The following PLS1 variants were observed in gnomAD, a reference collection of about 807,000 sequenced individuals.
PLS1 encodes plastin 1.
PLS1 carries 32 observed loss-of-function variants against 73.7 expected under a neutral mutation model. The observed-to-expected ratio is 0.43, with a 90% CI of 0.33 to 0.58. The LOEUF is 0.58. PLS1 is among the 20% of genes least tolerant of loss of function. PLS1 has a pLI of 0.04. For synonymous variants in PLS1, 217 were observed against 261.3 expected (o/e 0.83, Z 1.63); for missense variants, 633 against 740.5 (o/e 0.85, Z 1.68).
intron 1 of PLS1, among the ~76,000 whole-genome samples, chr3:142,655,901 T>A (rs904503215): frequency 6.6e-5 from 10 of 152,082 alleles, no homozygotes; most frequent in African/African-American, 2.4e-4. Flanking sequence ...AAAATAAAAT[T>A]GTCTTTTTAA....
chr3:142,678,279 A>G (rs2037766203), intron 6 of PLS1, among the ~76,000 whole-genome samples, 166 bp downstream of exon 6: 1 of 146,692 alleles, frequency 6.8e-6, no homozygotes, highest in African/African-American at 2.5e-5. Context: ...ATTTTATTTT[A>G]TTATTATTAT....
chr3:142,620,929 A>G (rs1396908777), intron 1 of PLS1, among the ~76,000 whole-genome samples: 3 of 152,092 alleles, frequency 2.0e-5, no homozygotes, highest in Admixed American at 6.5e-5. Context: ...GAGGCAGAAG[A>G]ATGCTTGTAC....
At chr3:142,700,479 C>G (rs997761640) in intron 12 of PLS1, among the ~76,000 whole-genome samples, 6 of 152,100 alleles carry the variant, frequency 3.9e-5, no homozygotes, top group South Asian at 2.1e-4. Context: ...CCCGCCACCA[C>G]GCTCGGCTAA....
intron 4 of PLS1, among the ~76,000 whole-genome samples, chr3:142,675,274 A>G (rs552320840): frequency 1.6e-4 from 25 of 152,358 alleles, no homozygotes; most frequent in African/African-American, 4.1e-4. Flanking sequence ...TTCAGAAGCA[A>G]TACATATTTG....
chr3:142,621,541 ATAT>A (rs1441631115), intron 1 of PLS1, among the ~76,000 whole-genome samples: 2 of 152,230 alleles, frequency 1.3e-5, no homozygotes, highest in Admixed American at 6.5e-5. Flanking sequence ...ACTTTAAATA[ATAT>A]TAAGTAAAAC....
intron 2 of PLS1, among the ~76,000 whole-genome samples, chr3:142,666,963 C>A (rs1289221694): frequency 1.3e-5 from 2 of 152,124 alleles, no homozygotes; most frequent in Non-Finnish European, 2.9e-5. Context: ...AAGCCCTTTG[C>A]CTATTTTTGA....
At chr3:142,599,510 T>C (rs1402310770) in intron 1 of PLS1, among the ~76,000 whole-genome samples, 2 of 151,412 alleles carry the variant, frequency 1.3e-5, no homozygotes, top group African/African-American at 2.4e-5. Context: ...TTTGTATTTT[T>C]AGTAGAGACG....
chr3:142,662,082 A>T (rs2037384073), intron 1 of PLS1, among the ~76,000 whole-genome samples: 1 of 152,216 alleles, frequency 6.6e-6, no homozygotes, highest in Non-Finnish European at 1.5e-5. Context: ...CCAAAGGATT[A>T]TAAATCATTC....
At chr3:142,700,514 G>A (rs991071409) in intron 12 of PLS1, among the ~76,000 whole-genome samples, 21 of 152,066 alleles carry the variant, frequency 1.4e-4, no homozygotes, top group African/African-American at 4.8e-4. Context: ...TAGTACAGAC[G>A]GGGTTTCACC....
chr3:142,688,058 C>T (rs1015289528), intron 9 of PLS1, among the ~76,000 whole-genome samples: 8 of 151,928 alleles, frequency 5.3e-5, no homozygotes, highest in Admixed American at 2.6e-4. Context: ...AGTGATTCTC[C>T]TACCTCCACT....
chr3:142,683,941 T>A, intron 6 of PLS1, 65 bp from the exon 7 acceptor site: 1 of 1,205,502 alleles, frequency 8.3e-7, no homozygotes, highest in Non-Finnish European at 1.2e-6. Context: ...TTCTTATAGA[T>A]AATTTTTATA....
intron 12 of PLS1, among the ~76,000 whole-genome samples, chr3:142,703,438 G>A (rs904641383): frequency 4.6e-5 from 7 of 151,996 alleles, no homozygotes; most frequent in Non-Finnish European, 2.9e-5. Flanking sequence ...TGGGATTACA[G>A]GCACCCGCCA....
Position 142,703,926 on chromosome 3 carries a change from T to C in PLS1, c.1430T>C (p.Val477Ala). Residue 477 changes from valine (V) to alanine (A), a missense_variant, in exon 13 of 16, where the codon GTT (valine) becomes GCT (alanine). Transcript: ENST00000457734. Reference sequence around the variant, plus strand: ...AAGAACAAGGCCAAATTCTCCTTGGTTGGCATTGCTGGGCAGGACCTAAAT... The same window carrying C: ...AAGAACAAGGCCAAATTCTCCTTGGCTGGCATTGCTGGGCAGGACCTAAAT... Reference protein sequence around the residue: ...LGKNKAKFSLVGIAGQDLNEG... With the variant: ...LGKNKAKFSLAGIAGQDLNEG... 6.2e-7 allele frequency: 1 copy of C among 1,612,952 alleles called. No individual in the cohort carries two copies.
At chr3:142,697,525 A>G (rs1198765877) in intron 11 of PLS1, among the ~76,000 whole-genome samples, 2 of 152,212 alleles carry the variant, frequency 1.3e-5, no homozygotes, top group African/African-American at 4.8e-5. Flanking sequence ...ATTTGACTCT[A>G]AATTTTTTTA....
At chr3:142,614,133 G>A (rs1180874141) in intron 1 of PLS1, among the ~76,000 whole-genome samples, 3 of 152,126 alleles carry the variant, frequency 2.0e-5, no homozygotes, top group African/African-American at 7.2e-5. Flanking sequence ...AGGCCACTTT[G>A]GGATTTGCTA....
At chr3:142,663,693 T>C (rs1277458850) in intron 1 of PLS1, among the ~76,000 whole-genome samples, 1 of 151,050 alleles carries the variant, frequency 6.6e-6, no homozygotes, top group African/African-American at 2.5e-5. Flanking sequence ...CCTCAGAGAC[T>C]TCACATGGGG....
chr3:142,694,065 G>A (rs745406804), intron 10 of PLS1, among the ~76,000 whole-genome samples: 1 of 151,806 alleles, frequency 6.6e-6, no homozygotes, highest in Non-Finnish European at 1.5e-5. Context: ...ACCGAGAAAG[G>A]TATAACTTTT....
chr3:142,649,505 G>T (rs1560048386), intron 1 of PLS1, among the ~76,000 whole-genome samples: 1 of 151,972 alleles, frequency 6.6e-6, no homozygotes, highest in Non-Finnish European at 1.5e-5. Flanking sequence ...AGGCATGGTG[G>T]CTCATGCCTG....
chr3:142,640,591 T>G (rs2036809883), intron 1 of PLS1, among the ~76,000 whole-genome samples: 1 of 152,142 alleles, frequency 6.6e-6, no homozygotes, highest in African/African-American at 2.4e-5. Flanking sequence ...ACCAAGACTT[T>G]AAAGGGTGAA....
Sources: gnomAD v4.1 joint callset for allele counts (sites outside exome capture counted in the v4.1 genomes callset) on GRCh38, gnomAD v4.1.1 for gene constraint, MANE v1.5 for transcripts, NCBI Gene and HGNC (gene_info 2026-07-23, HGNC 2026-07-21) for gene names.